Variants in CPLX1 observed in about 807,000 individuals in gnomAD.
CPLX1 encodes complexin-1.
In CPLX1, 6 loss-of-function variants were observed where a neutral mutation model predicts 15.6. The observed-to-expected ratio is 0.39, with a 90% CI of 0.21 to 0.76. The LOEUF is 0.76. CPLX1 is among the 30% of genes least tolerant of loss of function. The pLI, the probability that CPLX1 is intolerant of heterozygous loss-of-function variation, is 0.43. For synonymous variants in CPLX1, 91 were observed against 75.2 expected (o/e 1.21, Z -1.08); for missense variants, 242 against 188.6 (o/e 1.28, Z -1.66).
chr4:787,224 G>C, intron 3 of CPLX1: 1 of 985,390 alleles, frequency 1.0e-6, no homozygotes, highest in Non-Finnish European at 1.2e-6. Flanking sequence ...CTGCAGCTCC[G>C]TGGGCAGCCG....
Position 799,407 on chromosome 4 carries a change from C to T in CPLX1, c.32-6799G>A, listed in dbSNP as rs1317501238. ...GGGCACATGGAGGCTGGAAGGAAGGCGAAGAACTCATCCACGTGCCAGGAG... is the reference window on the plus strand; with the variant it reads ...GGGCACATGGAGGCTGGAAGGAAGGTGAAGAACTCATCCACGTGCCAGGAG... On this transcript the variant is annotated intron_variant, in intron 2 of 3. Transcript: ENST00000304062. Among the ~76,000 whole-genome samples the T allele has an allele frequency of 2.0e-5, 3 of 152,172 alleles. No homozygotes were observed. The South Asian group carries it at 6.2e-4, about 32-fold the overall frequency.
At chr4:796,529 T>C (rs896040617) in intron 2 of CPLX1, among the ~76,000 whole-genome samples, 14 of 152,200 alleles carry the variant, frequency 9.2e-5, no homozygotes, top group Admixed American at 3.3e-4. Flanking sequence ...CTGATCCGCC[T>C]GCCTCGGCCT....
At chr4:793,818 C>A (rs1045363231) in intron 2 of CPLX1, among the ~76,000 whole-genome samples, 2 of 152,220 alleles carry the variant, frequency 1.3e-5, no homozygotes, top group Admixed American at 1.3e-4. Flanking sequence ...GGGCTCTGCC[C>A]CCTGGATGCC....
At position 785,392 on chromosome 4, in the gene CPLX1, G is replaced by A. The variant is rs1240813335; in HGVS notation, c.*1109C>T. 1 of 152,594 alleles carries A rather than the reference G, an allele frequency of 6.6e-6. No individual in the cohort carries two copies. The highest frequency in any genetic ancestry group is 2.4e-5 in the African/African-American group (1 of 41,446). The allele number at this position is 152,594 out of a possible 1,614,324, so 9.5% of individuals were successfully genotyped here. A position where few individuals can be genotyped will look rare whatever the true frequency, so the allele number is the denominator to read the frequency against. On this transcript the variant is annotated 3_prime_UTR_variant, in exon 4 of 4. Transcript: ENST00000304062. ...AAGGTCAATGCCAAGCCACGCCCTG[G>A]CCCGAAACACGTGGAGACTTGATGC...
At chr4:794,849 C>T (rs759331995) in intron 2 of CPLX1, among the ~76,000 whole-genome samples, 17 of 152,316 alleles carry the variant, frequency 1.1e-4, no homozygotes, top group Non-Finnish European at 1.9e-4. Context: ...CCCTTCCCTC[C>T]CCTCCAGCTG....
At chr4:805,948 G>C (rs754258961) in intron 2 of CPLX1, among the ~76,000 whole-genome samples, 15 of 152,148 alleles carry the variant, frequency 9.9e-5, no homozygotes, top group Non-Finnish European at 2.2e-4. Context: ...GAGGGGCTGG[G>C]GGAAGGAGAG....
intron 2 of CPLX1, among the ~76,000 whole-genome samples, chr4:823,112 C>T (rs75673685): frequency 0.049 from 7,412 of 152,300 alleles, 310 homozygotes; most frequent in Non-Finnish European, 0.077. Context: ...TACAAGCCCA[C>T]CTCAGGGCCT....
At chr4:809,544 A>T (rs1416590207) in intron 2 of CPLX1, among the ~76,000 whole-genome samples, 1 of 152,194 alleles carries the variant, frequency 6.6e-6, no homozygotes, top group Admixed American at 6.5e-5. Flanking sequence ...GGGGGACCTC[A>T]GGCCGTGGGG....
chr4:813,205 C>T (rs1462552239), intron 2 of CPLX1, among the ~76,000 whole-genome samples: 1 of 146,406 alleles, frequency 6.8e-6, no homozygotes, highest in African/African-American at 2.6e-5. Context: ...CCGGAGGTTG[C>T]AGTGAGCCAA....
chr4:800,732 AAAATATAT>A (rs1560241186), intron 2 of CPLX1, among the ~76,000 whole-genome samples: 4 of 93,910 alleles, frequency 4.3e-5, no homozygotes, highest in Non-Finnish European at 4.5e-5. Flanking sequence ...ACTAAAAAAA[AAAATATAT>A]ATATATATAT....
At chr4:814,211 T>C (rs1353826340) in intron 2 of CPLX1, among the ~76,000 whole-genome samples, 1 of 151,732 alleles carries the variant, frequency 6.6e-6, no homozygotes, top group Non-Finnish European at 1.5e-5. Flanking sequence ...CTGTCCCCAC[T>C]CTGCCTGATT....
At chr4:807,299 G>T (rs1746573582) in intron 2 of CPLX1, among the ~76,000 whole-genome samples, 1 of 152,148 alleles carries the variant, frequency 6.6e-6, no homozygotes, top group African/African-American at 2.4e-5. Context: ...ACAGGGAGGG[G>T]AAAAACACAC....
intron 2 of CPLX1, among the ~76,000 whole-genome samples, chr4:803,777 C>A (rs1746504911): frequency 6.6e-6 from 1 of 152,038 alleles, no homozygotes; most frequent in Non-Finnish European, 1.5e-5. Flanking sequence ...TCAAGCCATT[C>A]TTGTGCCTCA....
At chr4:825,129 A>C (rs1047703261) in intron 1 of CPLX1, among the ~76,000 whole-genome samples, 1 of 151,736 alleles carries the variant, frequency 6.6e-6, no homozygotes, top group Non-Finnish European at 1.5e-5. Flanking sequence ...CGTAGAAGAG[A>C]TCGGGGTTGG....
chr4:790,260 T>C (rs1746130600), intron 3 of CPLX1, among the ~76,000 whole-genome samples: 1 of 152,182 alleles, frequency 6.6e-6, no homozygotes, highest in South Asian at 2.1e-4. Flanking sequence ...GCTGTTCTTG[T>C]GGGCAAGTGT....
chr4:809,988 G>A (rs772293688), intron 2 of CPLX1, among the ~76,000 whole-genome samples: 7 of 151,334 alleles, frequency 4.6e-5, no homozygotes, highest in Admixed American at 6.6e-5. Context: ...TCCTTCACCC[G>A]CCCACCTGTG....
intron 2 of CPLX1, among the ~76,000 whole-genome samples, chr4:820,630 G>A (rs1220849708): frequency 6.6e-6 from 1 of 152,146 alleles, no homozygotes; most frequent in Non-Finnish European, 1.5e-5. Flanking sequence ...AGGGCTGGGG[G>A]AGATGCTGGT....
intron 1 of CPLX1, among the ~76,000 whole-genome samples, chr4:825,473 G>T (rs1746960848): frequency 6.6e-6 from 1 of 151,856 alleles, no homozygotes; most frequent in South Asian, 2.1e-4. Context: ...TTCTCCCCTG[G>T]CTCCCGCGGC....
chr4:804,677 G>C (rs774972128), intron 2 of CPLX1: 59 of 938,124 alleles, frequency 6.3e-5, no homozygotes, highest in Non-Finnish European at 7.1e-5. Flanking sequence ...TTGGGGCTTT[G>C]GATAAAATTA....
Sources: gnomAD v4.1 joint callset for allele counts (sites outside exome capture counted in the v4.1 genomes callset) on GRCh38, gnomAD v4.1.1 for gene constraint, MANE v1.5 for transcripts, NCBI Gene and HGNC (gene_info 2026-07-23, HGNC 2026-07-21) for gene names.